The following DPP6 variants were observed in gnomAD, a reference collection of about 807,000 sequenced individuals.
The protein encoded by DPP6 is dipeptidyl peptidase like 6.
DPP6 carries 69 observed loss-of-function variants against 122.6 expected under a neutral mutation model. The ratio of observed to expected loss-of-function variants is 0.56; its 90% CI spans 0.46 to 0.69. DPP6 has a LOEUF of 0.69. Ranked by LOEUF, DPP6 falls within the 30% of genes least tolerant of loss-of-function variation. DPP6 has a pLI of 0.00. For synonymous variants in DPP6, 418 were observed against 433.1 expected (o/e 0.97, Z 0.43); for missense variants, 928 against 1,116.9 (o/e 0.83, Z 2.41).
chr7:154,701,263 T>G (rs547025280), intron 7 of DPP6, among the ~76,000 whole-genome samples: 1 of 152,300 alleles, frequency 6.6e-6, no homozygotes, highest in South Asian at 2.1e-4. Flanking sequence ...GCCTTTCTCC[T>G]CTGCCTCTCA....
At chr7:154,741,292 A>G (rs1315700926) in intron 8 of DPP6, among the ~76,000 whole-genome samples, 1 of 152,222 alleles carries the variant, frequency 6.6e-6, no homozygotes, top group East Asian at 1.9e-4. Context: ...GGGCACCCTG[A>G]GTCAAGTCCC....
chr7:153,909,402 T>C (rs946847224), intron 1 of DPP6, among the ~76,000 whole-genome samples: 1 of 142,478 alleles, frequency 7.0e-6, no homozygotes, highest in Admixed American at 7.2e-5. Context: ...TTGTTTTTAT[T>C]GAGGACAAAC....
rs775708026 is a variant in DPP6 at position 154,876,137 on chromosome 7, G to A, written c.2078+37G>A. ...CCCAGGAAGCAGGAGAGGCCGGGAG[G>A]GGACGGGGCTCCTCATGGGGGCAGC... is the stretch of plus-strand genomic sequence containing the variant. On this transcript the variant is annotated intron_variant, in intron 20 of 25. Coordinates refer to ENST00000377770, the MANE Select transcript of DPP6 (RefSeq NM_130797.4). 4.6e-6 allele frequency: 7 copies of A among 1,523,544 alleles called. No homozygotes were observed. In the East Asian group the frequency reaches 1.6e-4, roughly 35 times the overall value. The allele number at this position is 1,523,544 out of a possible 1,614,324, so 94.4% of individuals were successfully genotyped here.
chr7:153,900,401 C>T (rs1189291182), intron 1 of DPP6, among the ~76,000 whole-genome samples: 2 of 152,134 alleles, frequency 1.3e-5, no homozygotes, highest in Non-Finnish European at 2.9e-5. Flanking sequence ...GTTTATTTTG[C>T]TCACGGTTCT....
At chr7:154,272,524 C>T (rs971859239) in intron 1 of DPP6, among the ~76,000 whole-genome samples, 1 of 152,180 alleles carries the variant, frequency 6.6e-6, no homozygotes, top group Non-Finnish European at 1.5e-5. Context: ...AGCACTTGGG[C>T]AAATTTTCCT....
chr7:153,869,033 C>T, the DPP6 span, among the ~76,000 whole-genome samples: 3 of 152,188 alleles, frequency 2.0e-5, no homozygotes, highest in African/African-American at 7.2e-5. Flanking sequence ...GTTATAATTT[C>T]TGTTCTTTTA....
Position 154,521,753 on chromosome 7 carries a change from T to G in DPP6, c.458-18779T>G, listed in dbSNP as rs186254874. ...GTAAAAATAGATATTGTGGTATCAT[T>G]TTACCGTAGTTTGAAGTCCACAGAA... On this transcript the variant is annotated intron_variant, in intron 3 of 25. Transcript: ENST00000377770. Among the ~76,000 whole-genome samples, 345 of 152,266 alleles carry G rather than the reference T, an allele frequency of 2.3e-3. 7 individuals are homozygous for G. The highest frequency in any genetic ancestry group is 0.02 in the Admixed American group (313 of 15,292).
At chr7:154,284,644 C>T (rs762566483) in intron 1 of DPP6, among the ~76,000 whole-genome samples, 1 of 152,238 alleles carries the variant, frequency 6.6e-6, no homozygotes, top group Admixed American at 6.5e-5. Flanking sequence ...CACTTGAGGT[C>T]AGGAGTTCAA....
At chr7:154,837,252 C>G (rs2150537914) in intron 16 of DPP6, among the ~76,000 whole-genome samples, 1 of 147,080 alleles carries the variant, frequency 6.8e-6, no homozygotes, top group Non-Finnish European at 1.5e-5. Context: ...AAGGCACATT[C>G]ACACATGCAC....
intron 1 of DPP6, among the ~76,000 whole-genome samples, chr7:154,060,345 C>CACGAGAGTG (rs1801577876): frequency 9.0e-6 from 1 of 111,644 alleles, no homozygotes; most frequent in Non-Finnish European, 2.0e-5. Flanking sequence ...AGGCACCCCC[C>CACGAGAGTG]GCGAGGCAGG....
the DPP6 span, among the ~76,000 whole-genome samples, chr7:153,784,691 G>A: frequency 9.1e-4 from 138 of 152,220 alleles, no homozygotes; most frequent in African/African-American, 3.3e-3. Context: ...ATATGCTGTA[G>A]GAGTCTGAAA....
chr7:154,184,874 A>G (rs1370881327), intron 1 of DPP6, among the ~76,000 whole-genome samples: 4 of 152,198 alleles, frequency 2.6e-5, no homozygotes, highest in South Asian at 4.1e-4. Context: ...TACTCAGAGC[A>G]AAAGTTTTCT....
intron 16 of DPP6, among the ~76,000 whole-genome samples, chr7:154,848,200 T>C (rs1802092766): frequency 6.7e-6 from 1 of 150,060 alleles, no homozygotes; most frequent in Admixed American, 6.7e-5. Flanking sequence ...GTGAGATGGC[T>C]GAATCATAGG....
the DPP6 span, among the ~76,000 whole-genome samples, chr7:153,864,672 T>TACACAC: frequency 3.6e-3 from 493 of 135,248 alleles, 2 homozygotes; most frequent in Middle Eastern, 8.1e-3. Flanking sequence ...ATAATAATAA[T>TACACAC]ACACACACAC....
chr7:153,967,804 A>G (rs1795833402), intron 1 of DPP6, among the ~76,000 whole-genome samples: 2 of 152,022 alleles, frequency 1.3e-5, no homozygotes, highest in African/African-American at 2.4e-5. Context: ...CAGGAATCAG[A>G]TGAGGAATAA....
intron 1 of DPP6, among the ~76,000 whole-genome samples, chr7:154,156,194 A>G (rs1195522308): frequency 2.0e-5 from 3 of 152,270 alleles, no homozygotes; most frequent in African/African-American, 7.2e-5. Flanking sequence ...ATAGGCACCA[A>G]TCCCAGGAGA....
At chr7:154,237,089 C>G (rs62484148) in intron 1 of DPP6, among the ~76,000 whole-genome samples, 8,518 of 152,174 alleles carry the variant, frequency 0.056, 465 homozygotes, top group African/African-American at 0.13. Context: ...TACGACTGGG[C>G]GTGAGGGAAG....
chr7:154,528,213 G>A (rs919392483), intron 3 of DPP6, among the ~76,000 whole-genome samples: 1 of 152,126 alleles, frequency 6.6e-6, no homozygotes, highest in African/African-American at 2.4e-5. Context: ...CTAGGAATCT[G>A]ACATTGTATG....
At chr7:154,815,164 A>G (rs571678336) in intron 16 of DPP6, among the ~76,000 whole-genome samples, 1 of 152,354 alleles carries the variant, frequency 6.6e-6, no homozygotes, top group South Asian at 2.1e-4. Flanking sequence ...TGCCAGAGAC[A>G]GTTCTTAATG....
Sources: gnomAD v4.1 joint callset for allele counts (sites outside exome capture counted in the v4.1 genomes callset) on GRCh38, gnomAD v4.1.1 for gene constraint, MANE v1.5 for transcripts, NCBI Gene and HGNC (gene_info 2026-07-23, HGNC 2026-07-21) for gene names.